The following BBS9 variants were observed in gnomAD, a reference collection of about 807,000 sequenced individuals.
BBS9 encodes the protein protein PTHB1.
Under a neutral mutation model 117.7 loss-of-function variants are expected in BBS9, and 89 were observed. The observed-to-expected ratio is 0.76, with a 90% CI of 0.64 to 0.90. The LOEUF (loss-of-function observed/expected upper bound fraction) is 0.90. Among genes scored for constraint, BBS9 ranks in the 40% least tolerant of loss-of-function variants. The probability of loss-of-function intolerance (pLI) is 0.00; values close to 1 mark genes in which losing one functional copy is unlikely to be tolerated. For missense variants in BBS9, 982 were observed against 1,042.2 expected (o/e 0.94, Z 0.80); for synonymous variants, 379 against 370.9 (o/e 1.02, Z -0.25).
chr7:33,526,435 G>A (rs997193195), intron 20 of BBS9, among the ~76,000 whole-genome samples: 27 of 152,052 alleles, frequency 1.8e-4, no homozygotes, highest in African/African-American at 6.3e-4. Context: ...TTTCTTGGAG[G>A]CTTTGCTCAT....
chr7:33,384,741 A>AGAG (rs1563097808), intron 18 of BBS9, among the ~76,000 whole-genome samples: 2 of 151,234 alleles, frequency 1.3e-5, no homozygotes, highest in African/African-American at 2.4e-5. Context: ...AGAGAGAGAG[A>AGAG]ATTACCAGTC....
chr7:33,150,879 G>GCT (rs1195269944), intron 2 of BBS9, among the ~76,000 whole-genome samples: 1 of 152,184 alleles, frequency 6.6e-6, no homozygotes, highest in Non-Finnish European at 1.5e-5. Flanking sequence ...AGATCTTAGA[G>GCT]GAGTTCTTGG....
chr7:33,319,348 A>G (rs1811210058), intron 9 of BBS9, among the ~76,000 whole-genome samples: 2 of 152,228 alleles, frequency 1.3e-5, no homozygotes, highest in South Asian at 2.1e-4. Flanking sequence ...TTGTGCTGCT[A>G]TAAACATGCA....
chr7:33,522,705 C>T (rs1448208318), intron 20 of BBS9, among the ~76,000 whole-genome samples: 7 of 150,028 alleles, frequency 4.7e-5, no homozygotes, highest in Admixed American at 4.6e-4. Context: ...GTTGCCTGTT[C>T]ACTCTGATGG....
intron 4 of BBS9, among the ~76,000 whole-genome samples, chr7:33,164,659 T>C (rs895016559): frequency 1.3e-5 from 2 of 151,978 alleles, no homozygotes; most frequent in African/African-American, 2.4e-5. Flanking sequence ...CAACCCCTGC[T>C]TTTTTTTGTT....
intron 21 of BBS9, among the ~76,000 whole-genome samples, chr7:33,595,452 C>G (rs1476454790): frequency 1.3e-5 from 2 of 152,140 alleles, no homozygotes; most frequent in Non-Finnish European, 2.9e-5. Context: ...CATCACTGAT[C>G]ATTAGAGGAA....
chr7:33,391,242 A>C (rs1451569825), intron 19 of BBS9, among the ~76,000 whole-genome samples: 2 of 152,214 alleles, frequency 1.3e-5, no homozygotes, highest in Admixed American at 1.3e-4. Context: ...GCCATGCTAG[A>C]GTCCATTCCT....
intron 5 of BBS9, among the ~76,000 whole-genome samples, chr7:33,211,434 C>T (rs1178548369): frequency 1.3e-5 from 2 of 152,110 alleles, no homozygotes; most frequent in Non-Finnish European, 2.9e-5. Context: ...AAAAAACAAA[C>T]ATGCAAAAGA....
chr7:33,496,003 C>T (rs770832368), intron 19 of BBS9, among the ~76,000 whole-genome samples: 12 of 152,062 alleles, frequency 7.9e-5, no homozygotes, highest in African/African-American at 1.4e-4. Context: ...GATTGGTGTC[C>T]GGGATAATTG....
At chr7:33,200,932 C>T (rs1009734740) in intron 5 of BBS9, among the ~76,000 whole-genome samples, 10 of 152,158 alleles carry the variant, frequency 6.6e-5, no homozygotes, top group African/African-American at 2.4e-4. Context: ...GACAGCCATA[C>T]AATAAAGGCT....
At chr7:33,267,802 GTTC>G (rs1799078824) in intron 7 of BBS9, among the ~76,000 whole-genome samples, 1 of 152,100 alleles carries the variant, frequency 6.6e-6, no homozygotes, top group Admixed American at 6.6e-5. Context: ...CATTTCTGCT[GTTC>G]TTCTTTAATT....
chr7:33,226,902 GAGT>G (rs1791388909), intron 5 of BBS9, among the ~76,000 whole-genome samples: 1 of 152,128 alleles, frequency 6.6e-6, no homozygotes, highest in African/African-American at 2.4e-5. Context: ...GGATAATGGG[GAGT>G]AGTATTTGAT....
intron 19 of BBS9, among the ~76,000 whole-genome samples, chr7:33,405,588 A>G (rs1433423604): frequency 2.0e-5 from 3 of 152,056 alleles, no homozygotes; most frequent in African/African-American, 7.2e-5. Flanking sequence ...TGTGTGTGTC[A>G]AGGAATTTAT....
chr7:33,462,090 A>C (rs969778910), intron 19 of BBS9, among the ~76,000 whole-genome samples: 13 of 152,038 alleles, frequency 8.6e-5, no homozygotes, highest in African/African-American at 3.1e-4. Context: ...CACTAGGTTA[A>C]TTATTAAATA....
At chr7:33,143,683 A>G (rs934863880) in intron 1 of BBS9, among the ~76,000 whole-genome samples, 1 of 151,782 alleles carries the variant, frequency 6.6e-6, no homozygotes, top group Non-Finnish European at 1.5e-5. Context: ...CTTTTGCCTT[A>G]GCCTCCTGAG....
At chr7:33,149,300 C>A (rs1030824996) in intron 2 of BBS9, among the ~76,000 whole-genome samples, 2 of 152,074 alleles carry the variant, frequency 1.3e-5, no homozygotes, top group Non-Finnish European at 2.9e-5. Flanking sequence ...AGAATGTATA[C>A]CGATGTAGAG....
intron 19 of BBS9, among the ~76,000 whole-genome samples, chr7:33,424,795 GT>G (rs1231495677): frequency 1.3e-5 from 2 of 151,886 alleles, no homozygotes; most frequent in Non-Finnish European, 2.9e-5. Context: ...GTACTTCCTT[GT>G]TTAGCTGCTA....
intron 5 of BBS9, among the ~76,000 whole-genome samples, chr7:33,217,078 G>C (rs1253898345): frequency 1.3e-5 from 2 of 152,178 alleles, no homozygotes; most frequent in East Asian, 3.8e-4. Context: ...CTGGGTGACA[G>C]AGCGAGACTC....
intron 5 of BBS9, among the ~76,000 whole-genome samples, chr7:33,218,241 T>C (rs1789451209): frequency 6.6e-6 from 1 of 152,244 alleles, no homozygotes; most frequent in African/African-American, 2.4e-5. Flanking sequence ...CATTGTACTT[T>C]TGTCCTTTGA....
Sources: gnomAD v4.1 joint callset for allele counts (sites outside exome capture counted in the v4.1 genomes callset) on GRCh38, gnomAD v4.1.1 for gene constraint, MANE v1.5 for transcripts, NCBI Gene and HGNC (gene_info 2026-07-23, HGNC 2026-07-21) for gene names.